Variants in DLC1 observed in about 807,000 individuals in gnomAD.
The protein encoded by DLC1 is rho GTPase-activating protein 7.
Under a neutral mutation model 140.3 loss-of-function variants are expected in DLC1, and 54 were observed. That is an observed-to-expected ratio of 0.38 (90% CI 0.31 to 0.48). The LOEUF is 0.48. Among genes scored for constraint, DLC1 ranks in the 20% least tolerant of loss-of-function variants. The pLI is 0.96. For missense variants in DLC1, 2,536 were observed against 1,907.0 expected (o/e 1.33, Z -6.14); for synonymous variants, 986 against 728.1 (o/e 1.35, Z -5.70).
At chr8:13,596,985 T>C (rs1020914879) in intron 1 of DLC1, among the ~76,000 whole-genome samples, 4 of 151,932 alleles carry the variant, frequency 2.6e-5, no homozygotes, top group Admixed American at 2.0e-4. Context: ...GTTTTTTCTA[T>C]GTTCGTTTGT....
intron 5 of DLC1, among the ~76,000 whole-genome samples, chr8:13,270,576 C>A (rs1013472919): frequency 1.3e-5 from 2 of 152,176 alleles, no homozygotes; most frequent in Admixed American, 1.3e-4. Context: ...TATGCAAGAA[C>A]CGATTCCCTC....
intron 2 of DLC1, among the ~76,000 whole-genome samples, chr8:13,436,541 G>A (rs573353126): frequency 5.3e-5 from 8 of 152,104 alleles, no homozygotes; most frequent in South Asian, 4.1e-4. Context: ...GTCATTGTCC[G>A]GACAATTGGG....
At chr8:13,284,928 A>G (rs528489628) in intron 5 of DLC1, among the ~76,000 whole-genome samples, 67 of 152,308 alleles carry the variant, frequency 4.4e-4, no homozygotes, top group African/African-American at 1.6e-3. Context: ...TTTGAAGACA[A>G]TATTGCTAGG....
At chr8:13,377,743 C>G (rs1836065997) in intron 4 of DLC1, among the ~76,000 whole-genome samples, 1 of 151,918 alleles carries the variant, frequency 6.6e-6, no homozygotes, top group Non-Finnish European at 1.5e-5. Flanking sequence ...TTTAACAGTA[C>G]TTTAAAGGTC....
rs372680850 is a variant in DLC1, at chr8:13,236,794, T to C, written c.1348+68475A>G. On this transcript the variant is annotated intron_variant, in intron 5 of 17. Coordinates refer to ENST00000276297, the MANE Select transcript of DLC1 (RefSeq NM_182643.3). Reference sequence around the variant, plus strand: ...ACTTGAGATCAATATTCTGAGTTCATATCCATCTAAAAGGGTGAATTTGCT... The same window carrying C: ...ACTTGAGATCAATATTCTGAGTTCACATCCATCTAAAAGGGTGAATTTGCT... 2.4e-4 allele frequency among the ~76,000 whole-genome samples: 37 copies of C among 152,238 alleles called. No homozygotes were observed. The East Asian group carries it at 4.3e-3, about 18-fold the overall frequency.
At chr8:13,289,057 C>A (rs13261845) in intron 5 of DLC1, among the ~76,000 whole-genome samples, 41,605 of 152,040 alleles carry the variant, frequency 0.27, 6,076 homozygotes, top group Admixed American at 0.32. Flanking sequence ...ATTCTGTGAC[C>A]AACTTCACTC....
chr8:13,409,368 G>A (rs903208893), intron 2 of DLC1, among the ~76,000 whole-genome samples: 1 of 152,150 alleles, frequency 6.6e-6, no homozygotes, highest in Non-Finnish European at 1.5e-5. Context: ...TAGAGAGCTT[G>A]TTTTGGTCTC....
chr8:13,361,188 T>C (rs1297256810), intron 4 of DLC1, among the ~76,000 whole-genome samples: 1 of 152,134 alleles, frequency 6.6e-6, no homozygotes, highest in African/African-American at 2.4e-5. Flanking sequence ...GCCTTAATTA[T>C]ACCACTGCAC....
intron 4 of DLC1, among the ~76,000 whole-genome samples, chr8:13,389,168 C>T (rs570486111): frequency 6.6e-6 from 1 of 151,928 alleles, no homozygotes; most frequent in Non-Finnish European, 1.5e-5. Flanking sequence ...TGGCTCTTTT[C>T]TTCATAAATA....
intron 5 of DLC1, among the ~76,000 whole-genome samples, chr8:13,283,915 G>C (rs1831453587): frequency 6.6e-6 from 1 of 152,174 alleles, no homozygotes; most frequent in Non-Finnish European, 1.5e-5. Flanking sequence ...CAAAGAGTGA[G>C]ATCTGCAGAG....
chr8:13,294,486 C>T (rs1047371253), intron 5 of DLC1, among the ~76,000 whole-genome samples: 2 of 152,204 alleles, frequency 1.3e-5, no homozygotes, highest in African/African-American at 4.8e-5. Context: ...TAGAAGACTT[C>T]ACCTTCACCG....
At chr8:13,448,254 A>T (rs75415085) in intron 2 of DLC1, among the ~76,000 whole-genome samples, 12,056 of 152,256 alleles carry the variant, frequency 0.079, 669 homozygotes, top group South Asian at 0.12. Flanking sequence ...GGAATGAATC[A>T]TGAAACCCTG....
intron 17 of DLC1, 107 bp from the exon 18 acceptor site, chr8:13,086,038 T>C (rs1817527834): frequency 6.7e-7 from 1 of 1,494,010 alleles, no homozygotes; most frequent in Non-Finnish European, 8.9e-7. Flanking sequence ...ATCTATCATT[T>C]CCCATGCCTT....
intron 1 of DLC1, among the ~76,000 whole-genome samples, chr8:13,525,629 T>C (rs1362776608): frequency 6.6e-6 from 1 of 152,208 alleles, no homozygotes; most frequent in African/African-American, 2.4e-5. Flanking sequence ...TCAGCATATA[T>C]TTGATCAAGG....
At chr8:13,497,399 A>G (rs1801564754) in intron 2 of DLC1, among the ~76,000 whole-genome samples, 1 of 152,258 alleles carries the variant, frequency 6.6e-6, no homozygotes, top group African/African-American at 2.4e-5. Context: ...AAGGCATCCT[A>G]AATGGGTTGT....
At chr8:13,553,769 C>A (rs955842818) in intron 1 of DLC1, among the ~76,000 whole-genome samples, 1 of 152,088 alleles carries the variant, frequency 6.6e-6, no homozygotes. Flanking sequence ...GTCTTTGATC[C>A]CTACACCTTC....
chr8:13,450,253 G>A (rs1384059412), intron 2 of DLC1, among the ~76,000 whole-genome samples: 4 of 151,728 alleles, frequency 2.6e-5, no homozygotes, highest in African/African-American at 9.7e-5. Context: ...TCAGGAGTTC[G>A]AGACCAGTCT....
chr8:13,488,404 T>C (rs936491039), intron 2 of DLC1, among the ~76,000 whole-genome samples: 3 of 152,230 alleles, frequency 2.0e-5, no homozygotes, highest in African/African-American at 7.2e-5. Context: ...AAAGCCAGCA[T>C]CATTTTCAGG....
chr8:13,350,752 C>T (rs1475476601), intron 4 of DLC1, among the ~76,000 whole-genome samples: 1 of 151,724 alleles, frequency 6.6e-6, no homozygotes, highest in Admixed American at 6.6e-5. Context: ...AAGAGAAACA[C>T]CAGAAGGTTT....
Sources: allele counts gnomAD v4.1 joint callset (sites outside exome capture counted in the v4.1 genomes callset), GRCh38; gene constraint gnomAD v4.1.1; transcripts MANE v1.5; gene names NCBI Gene and HGNC (gene_info 2026-07-23, HGNC 2026-07-21).